The following BRIP1 variants were observed in gnomAD, a reference collection of about 807,000 sequenced individuals.
The protein encoded by BRIP1 is BRCA1 interacting DNA helicase 1.
BRIP1 carries 88 observed loss-of-function variants against 119.7 expected under a neutral mutation model. That is an observed-to-expected ratio of 0.74 (90% CI 0.62 to 0.88). BRIP1 has a LOEUF of 0.88. BRIP1 is among the 40% of genes least tolerant of loss of function. The pLI, the probability that BRIP1 is intolerant of heterozygous loss-of-function variation, is 0.00. For missense variants in BRIP1, 1,259 were observed against 1,455.4 expected (o/e 0.87, Z 2.20); for synonymous variants, 443 against 496.5 (o/e 0.89, Z 1.43).
In BRIP1 at chr17:61,757,383, G is replaced by C. The variant is rs1567792104; in HGVS notation, c.2098-12792C>G. 6.6e-6 allele frequency among the ~76,000 whole-genome samples: 1 copy of C among 152,126 alleles called. No homozygotes were observed. The highest frequency in any genetic ancestry group is 2.4e-5 in the African/African-American group (1 of 41,412). On this transcript the variant is annotated intron_variant, in intron 14 of 19. Transcript: ENST00000259008. The surrounding 1 kb of genome is among the most constrained non-coding windows in gnomAD (Gnocchi z 4.3). ...GGTGCAGTTGGAGGTGCACTTGGAG[G>C]AATAATATAGACAAATACTGCCCTA... is the stretch of plus-strand genomic sequence containing the variant.
At chr17:61,859,570 G>T (rs183817907) in intron 3 of BRIP1, among the ~76,000 whole-genome samples, 7 of 152,022 alleles carry the variant, frequency 4.6e-5, no homozygotes, top group African/African-American at 1.7e-4. Flanking sequence ...TGTACTTTCC[G>T]ACTCATCAAA....
rs1380820236 is a variant in BRIP1 at position 61,828,465 on chromosome 17, G to A, written c.627+18636C>T. The stretch of plus-strand genomic sequence containing the variant: ...TGTTTCAGTTTGGAAAGATGAAAAG[G>A]TTCTGGCACTAGATAATAGTATATA... On this transcript the variant is annotated intron_variant, in intron 6 of 19. Transcript: ENST00000259008. The surrounding 1 kb of genome is among the most constrained non-coding windows in gnomAD (Gnocchi z 4.1). Among the ~76,000 whole-genome samples, 1 of 151,914 alleles carries A rather than the reference G, an allele frequency of 6.6e-6. No individual in the cohort carries two copies. Among genetic ancestry groups the A allele is most frequent in the Admixed American group, 6.6e-5 (1 of 15,248 alleles).
At chr17:61,849,757 A>G (rs2078790383) in intron 4 of BRIP1, among the ~76,000 whole-genome samples, 2 of 152,142 alleles carry the variant, frequency 1.3e-5, no homozygotes, top group South Asian at 2.1e-4. Context: ...AATTATCCCA[A>G]TCTTACAAAT....
At chr17:61,784,124 A>G in intron 11 of BRIP1, 146 bp downstream of exon 11, 1 of 705,552 alleles carries the variant, frequency 1.4e-6, no homozygotes, top group Admixed American at 2.9e-5. Context: ...GTCTGTGTCA[A>G]TAAGAGCAAA....
rs2078908690 is a variant in BRIP1 at position 61,857,150 on chromosome 17, G to A, written c.287C>T (p.Thr96Ile). The stretch of plus-strand genomic sequence containing the variant: ...AGTTCCTTGGTTCATGTCATTGTTT[G>A]TAAAATCCTTTGAATGGCATGCACA... ...CCCACHSKDF[T>I]NNDMNQGTSR... The change falls in exon 4 of 20, where the codon ACA becomes ATA. Residue 96 changes from threonine (T) to isoleucine (I), a missense_variant. This residue lies in a region of BRIP1 where 501 missense variants were observed against 544.0 expected (regional missense o/e 0.92). Coordinates refer to ENST00000259008, the MANE Select transcript of BRIP1 (RefSeq NM_032043.3). This position sits in a 1 kb window ranked among gnomAD's most constrained non-coding sequence, Gnocchi z 5.1. 2 of 1,614,096 alleles carry A rather than the reference G, an allele frequency of 1.2e-6. No individual in the cohort carries two copies. Among genetic ancestry groups the A allele is most frequent in the Non-Finnish European group, 8.5e-7 (1 of 1,179,968 alleles).
chr17:61,733,807 T>C (rs1415664500), intron 16 of BRIP1, among the ~76,000 whole-genome samples: 1 of 151,962 alleles, frequency 6.6e-6, no homozygotes, highest in Admixed American at 6.6e-5. Flanking sequence ...CATACTATAT[T>C]ACCAAAAAAA....
chr17:61,699,202 T>G lies in BRIP1; in HGVS notation c.2493-5690A>C, dbSNP rs1171883933. On this transcript the variant is annotated intron_variant, in intron 17 of 19. Transcript: ENST00000259008. The surrounding 1 kb of genome is among the most constrained non-coding windows in gnomAD (Gnocchi z 4.8). ...TCTCTTGCAGACAGCATATATCACA[T>G]TGTTTTCAATCCATTCAGCCAAACT... is the stretch of plus-strand genomic sequence containing the variant. Among the ~76,000 whole-genome samples the G allele has an allele frequency of 6.6e-6, 1 of 152,210 alleles. No homozygotes were observed. Among genetic ancestry groups the G allele is most frequent in the African/African-American group, 2.4e-5 (1 of 41,446 alleles).
Position 61,738,754 on chromosome 17 carries a change from A to C in BRIP1, c.2379+4259T>G, listed in dbSNP as rs147948570. Among the ~76,000 whole-genome samples, 557 of 152,368 alleles carry C rather than the reference A, an allele frequency of 3.7e-3. 5 individuals carry two copies. The highest frequency in any genetic ancestry group is 0.013 in the African/African-American group (521 of 41,592). On this transcript the variant is annotated intron_variant, in intron 16 of 19. Coordinates refer to ENST00000259008, the MANE Select transcript of BRIP1 (RefSeq NM_032043.3). The surrounding 1 kb of genome is among the most constrained non-coding windows in gnomAD (Gnocchi z 4.2). ...TTAATTTTAAGAATTTTTGGAAAATAATGAAGAATAACATAATAAATACCT... is the reference window on the plus strand; with the variant it reads ...TTAATTTTAAGAATTTTTGGAAAATCATGAAGAATAACATAATAAATACCT...
Position 61,776,175 on chromosome 17 carries a change from T to C in BRIP1, c.2097+226A>G. 1.9e-6 allele frequency: 1 copy of C among 521,714 alleles called. No homozygotes were observed. The highest frequency in any genetic ancestry group is 3.4e-6 in the Non-Finnish European group (1 of 296,214). The allele number at this position is 521,714 out of a possible 1,614,324, so 32.3% of individuals were successfully genotyped here. A position where few individuals can be genotyped will look rare whatever the true frequency, so the allele number is the denominator to read the frequency against. On this transcript the variant is annotated intron_variant, in intron 14 of 19. Coordinates refer to ENST00000259008, the MANE Select transcript of BRIP1 (RefSeq NM_032043.3). The surrounding 1 kb of genome is among the most constrained non-coding windows in gnomAD (Gnocchi z 5.0). ...GGGATTACAAGCATGAGCCACCACG[T>C]CCAGCCTTGCTCTTTCAGACTTTTA...
At position 61,850,970 on chromosome 17, in the gene BRIP1, G is replaced by A. The variant is rs550241216; in HGVS notation, c.380-1714C>T. Among the ~76,000 whole-genome samples the A allele has an allele frequency of 2.7e-5, 4 of 150,742 alleles. No homozygotes were observed. In the South Asian group the frequency reaches 6.3e-4, roughly 24 times the overall value. On this transcript the variant is annotated intron_variant, in intron 4 of 19. Transcript: ENST00000259008. ...CAGCTGGGCACGGTGGCTCACACCT[G>A]TAATCCCAGCACTTTGGGAGGCCGA...
intron 14 of BRIP1, among the ~76,000 whole-genome samples, chr17:61,765,403 A>T (rs1567798858): frequency 8.0e-5 from 1 of 12,440 alleles, no homozygotes; most frequent in Non-Finnish European, 1.7e-4. Flanking sequence ...ATATATATAT[A>T]TATATATATA....
chr17:61,707,605 A>AAG (rs1033050072), intron 17 of BRIP1, among the ~76,000 whole-genome samples: 31 of 152,060 alleles, frequency 2.0e-4, no homozygotes, highest in Non-Finnish European at 3.4e-4. Context: ...GAAAATTTCC[A>AAG]TTTTATCTTC....
In BRIP1 at chr17:61,809,956, A is replaced by G. The variant is rs1010589787; in HGVS notation, c.628-1199T>C. ...GGAAAAGCAAGTTCAAATTACTCCC[A>G]GTCTCACTCAACCTTGTCCGCCATT... On this transcript the variant is annotated intron_variant, in intron 6 of 19. Transcript: ENST00000259008. The surrounding 1 kb of genome is among the most constrained non-coding windows in gnomAD (Gnocchi z 5.2). Among the ~76,000 whole-genome samples the G allele has an allele frequency of 2.0e-5, 3 of 152,222 alleles. No individual in the cohort carries two copies. The highest frequency in any genetic ancestry group is 4.4e-5 in the Non-Finnish European group (3 of 68,038).
At position 61,713,466 on chromosome 17, in the gene BRIP1, A is replaced by C. The variant is rs1391365988; in HGVS notation, c.2492+2485T>G. On this transcript the variant is annotated intron_variant, in intron 17 of 19. Coordinates refer to ENST00000259008, the MANE Select transcript of BRIP1 (RefSeq NM_032043.3). The surrounding 1 kb of genome is among the most constrained non-coding windows in gnomAD (Gnocchi z 4.9). ...CAAGACATGGAGGTAGAAGACAGGGATATTAATGCTCCTGATCCTGTGTAG... is the reference window on the plus strand; with the variant it reads ...CAAGACATGGAGGTAGAAGACAGGGCTATTAATGCTCCTGATCCTGTGTAG... 6.6e-6 allele frequency among the ~76,000 whole-genome samples: 1 copy of C among 152,008 alleles called. No individual in the cohort carries two copies. Among genetic ancestry groups the C allele is most frequent in the East Asian group, 1.9e-4 (1 of 5,182 alleles).
chr17:61,785,641 A>G (rs2077693824), intron 10 of BRIP1, among the ~76,000 whole-genome samples: 1 of 152,208 alleles, frequency 6.6e-6, no homozygotes, highest in Non-Finnish European at 1.5e-5. Flanking sequence ...CAAGAAAGAC[A>G]ACATGAACTT....
chr17:61,842,159 T>C lies in BRIP1; in HGVS notation c.627+4942A>G, dbSNP rs1237349369. ...CAGCAACATGGGTAAGCCTGGAAGATATTAAGTGAAATAAGTCAGGCATAG... is the reference window on the plus strand; with the variant it reads ...CAGCAACATGGGTAAGCCTGGAAGACATTAAGTGAAATAAGTCAGGCATAG... On this transcript the variant is annotated intron_variant, in intron 6 of 19. Transcript: ENST00000259008. The surrounding 1 kb of genome is among the most constrained non-coding windows in gnomAD (Gnocchi z 5.1). Among the ~76,000 whole-genome samples the C allele has an allele frequency of 2.6e-5, 4 of 152,140 alleles. No individual in the cohort carries two copies. In the East Asian group the frequency reaches 7.7e-4, roughly 29 times the overall value.
At chr17:61,830,984 T>C (rs2078484789) in intron 6 of BRIP1, among the ~76,000 whole-genome samples, 1 of 152,188 alleles carries the variant, frequency 6.6e-6, no homozygotes, top group Non-Finnish European at 1.5e-5. Flanking sequence ...AACTAATCAA[T>C]GTAATTTACC....
chr17:61,803,971 GA>G lies in BRIP1; in HGVS notation c.919-2498del, dbSNP rs1319565063. Among the ~76,000 whole-genome samples, 3 of 152,136 alleles carry G rather than the reference GA, an allele frequency of 2.0e-5. No individual in the cohort carries two copies. On this transcript the variant is annotated intron_variant, in intron 7 of 19. Coordinates refer to ENST00000259008, the MANE Select transcript of BRIP1 (RefSeq NM_032043.3). The surrounding 1 kb of genome is among the most constrained non-coding windows in gnomAD (Gnocchi z 4.3). ...AATGATTTAGATTTGTCTATGTGTT[GA>G]TTAGGCTCTCTATGTTAAGTGAGAA...
intron 10 of BRIP1, among the ~76,000 whole-genome samples, chr17:61,790,487 G>T (rs986680967): frequency 6.6e-6 from 1 of 151,828 alleles, no homozygotes; most frequent in East Asian, 1.9e-4. Context: ...CAGAGGTTGC[G>T]GTGAGCTGAG....
Sources: gnomAD v4.1 joint callset for allele counts (sites outside exome capture counted in the v4.1 genomes callset) on GRCh38, gnomAD v4.1.1 for gene constraint, gnomAD v4.1.1 regional missense constraint, Gnocchi (gnomAD v3.1) non-coding constraint, MANE v1.5 for transcripts, NCBI Gene and HGNC (gene_info 2026-07-23, HGNC 2026-07-21) for gene names.